The following ITFG1 variants were observed in gnomAD, a reference collection of about 807,000 sequenced individuals.
The protein encoded by ITFG1 is T-cell immunomodulatory protein.
ITFG1 carries 34 observed loss-of-function variants against 81.8 expected under a neutral mutation model. That is an observed-to-expected ratio of 0.42 (90% confidence interval 0.32 to 0.55). ITFG1 has a LOEUF of 0.55. ITFG1 is among the 20% of genes least tolerant of loss of function. The pLI is 0.17. For synonymous variants in ITFG1, 285 were observed against 270.6 expected, an observed-to-expected ratio of 1.05 and a Z score of -0.52; for missense variants, 672 against 755.4, an observed-to-expected ratio of 0.89 and a Z score of 1.29.
chr16:47,280,897 G>GACA (rs1208468677), intron 10 of ITFG1, among the ~76,000 whole-genome samples: 1 of 152,100 alleles, frequency 6.6e-6, no homozygotes, highest in Non-Finnish European at 1.5e-5. Flanking sequence ...GTGAGGGTGG[G>GACA]ACACTCTAAC....
intron 8 of ITFG1, among the ~76,000 whole-genome samples, chr16:47,326,888 G>C (rs1190621236): frequency 3.3e-5 from 5 of 152,166 alleles, no homozygotes; most frequent in African/African-American, 1.2e-4. Context: ...TCGTGAAAAT[G>C]GCCATAGTGC....
At chr16:47,193,234 T>C (rs1026250290) in intron 14 of ITFG1, among the ~76,000 whole-genome samples, 41 of 151,500 alleles carry the variant, frequency 2.7e-4, no homozygotes, top group Non-Finnish European at 4.3e-4. Flanking sequence ...TTTTTTTTTT[T>C]CAGATCTAGG....
At chr16:47,448,157 C>G (rs1305627118) in intron 5 of ITFG1, 1 of 151,966 alleles carries the variant, frequency 6.6e-6, no homozygotes, top group Non-Finnish European at 1.5e-5. Context: ...CATATTCTTA[C>G]TAAACAATAG....
intron 8 of ITFG1, among the ~76,000 whole-genome samples, chr16:47,325,651 G>T (rs1396125664): frequency 6.6e-6 from 1 of 152,048 alleles, no homozygotes; most frequent in South Asian, 2.1e-4. Context: ...TATCACCACC[G>T]ATCCCACAGA....
intron 6 of ITFG1, among the ~76,000 whole-genome samples, chr16:47,412,612 T>G (rs1968825693): frequency 6.6e-6 from 1 of 151,372 alleles, no homozygotes; most frequent in Non-Finnish European, 1.5e-5. Flanking sequence ...GAGAATCACT[T>G]GAACCCAAGG....
At chr16:47,323,202 T>G (rs1022710603) in intron 8 of ITFG1, among the ~76,000 whole-genome samples, 1 of 152,178 alleles carries the variant, frequency 6.6e-6, no homozygotes, top group Non-Finnish European at 1.5e-5. Flanking sequence ...AGGAGGGTTC[T>G]CCCCACATGA....
intron 6 of ITFG1, among the ~76,000 whole-genome samples, chr16:47,409,478 C>T (rs533541038): frequency 1.5e-4 from 18 of 121,284 alleles, no homozygotes; most frequent in South Asian, 9.0e-4. Context: ...TGCAGTGGCA[C>T]GATCTCGGCT....
chr16:47,372,424 T>C (rs1596938803), intron 7 of ITFG1, among the ~76,000 whole-genome samples: 2 of 152,066 alleles, frequency 1.3e-5, no homozygotes, highest in East Asian at 1.9e-4. Flanking sequence ...TGCCCAAAAT[T>C]AGTTACTTCT....
intron 10 of ITFG1, among the ~76,000 whole-genome samples, chr16:47,309,349 C>T (rs1361023800): frequency 2.0e-5 from 3 of 152,102 alleles, no homozygotes; most frequent in Non-Finnish European, 1.5e-5. Context: ...GGATTACAGG[C>T]GTGAGCCACC....
At chr16:47,374,695 A>G (rs1307836181) in intron 7 of ITFG1, among the ~76,000 whole-genome samples, 1 of 152,138 alleles carries the variant, frequency 6.6e-6, no homozygotes, top group Non-Finnish European at 1.5e-5. Flanking sequence ...ATATAACTGC[A>G]TTTTTTTAAA....
intron 10 of ITFG1, among the ~76,000 whole-genome samples, chr16:47,276,110 G>T (rs1966395519): frequency 6.6e-6 from 1 of 152,006 alleles, no homozygotes; most frequent in Admixed American, 6.6e-5. Context: ...CATAGCAAGA[G>T]ATCATTTTTA....
intron 12 of ITFG1, among the ~76,000 whole-genome samples, chr16:47,257,235 C>T (rs529717954): frequency 1.3e-5 from 2 of 152,136 alleles, no homozygotes; most frequent in African/African-American, 4.8e-5. Flanking sequence ...GTAGAAAATC[C>T]CAAGGAATCT....
At chr16:47,229,327 AAGAAG>A (rs1430838362) in intron 13 of ITFG1, among the ~76,000 whole-genome samples, 1 of 152,184 alleles carries the variant, frequency 6.6e-6, no homozygotes, top group African/African-American at 2.4e-5. Context: ...GGAGAAGGTG[AAGAAG>A]AGAAGGCTTT....
chr16:47,169,583 T>C (rs1964934215), intron 14 of ITFG1, among the ~76,000 whole-genome samples: 1 of 152,182 alleles, frequency 6.6e-6, no homozygotes. Flanking sequence ...AGTATTTTTT[T>C]CTGTGAGTTA....
intron 13 of ITFG1, among the ~76,000 whole-genome samples, chr16:47,219,990 T>C (rs1965671757): frequency 6.6e-6 from 1 of 152,246 alleles, no homozygotes; most frequent in Admixed American, 6.5e-5. Context: ...TACTACACAC[T>C]ACTTTCATGA....
rs11859745 is a variant in ITFG1 at position 47,401,216 on chromosome 16, A to G, written c.656-25276T>C. Among the ~76,000 whole-genome samples, 1,141 of 152,290 alleles carry G rather than the reference A, an allele frequency of 7.5e-3. 19 individuals carry two copies. The highest frequency in any genetic ancestry group is 0.026 in the African/African-American group (1,081 of 41,560). Reference sequence around the variant, plus strand: ...GAGTCAAGAGTGACTCTTGGAAATGACTTGACAACTGTGAAGATGCTGTCA... The same window carrying G: ...GAGTCAAGAGTGACTCTTGGAAATGGCTTGACAACTGTGAAGATGCTGTCA... On this transcript the variant is annotated intron_variant, in intron 6 of 17. Transcript: ENST00000320640.
At chr16:47,343,458 A>C (rs908402228) in intron 8 of ITFG1, among the ~76,000 whole-genome samples, 6 of 152,170 alleles carry the variant, frequency 3.9e-5, no homozygotes, top group African/African-American at 1.4e-4. Context: ...AAATATGCAC[A>C]TAAAGGATTT....
intron 5 of ITFG1, among the ~76,000 whole-genome samples, chr16:47,438,154 C>G (rs902992969): frequency 1.8e-4 from 27 of 152,260 alleles, no homozygotes; most frequent in African/African-American, 6.3e-4. Context: ...TGCCATTGCT[C>G]AGGCTTGAGT....
chr16:47,171,151 A>C (rs1964955491), intron 14 of ITFG1, among the ~76,000 whole-genome samples: 1 of 150,448 alleles, frequency 6.6e-6, no homozygotes, highest in Non-Finnish European at 1.5e-5. Context: ...AGTAGCTAGG[A>C]CTACGGGTGC....
Sources: allele counts gnomAD v4.1 joint callset (sites outside exome capture counted in the v4.1 genomes callset), GRCh38; gene constraint gnomAD v4.1.1; transcripts MANE v1.5; gene names NCBI Gene and HGNC (gene_info 2026-07-23, HGNC 2026-07-21).